The following RAD51B variants were observed in gnomAD, a reference collection of about 807,000 sequenced individuals.
The protein encoded by RAD51B is RAD51 paralog B, also known as DNA repair protein RAD51 homolog 2.
A neutral mutation model predicts 42.2 loss-of-function variants in RAD51B; 38 were observed. That is an observed-to-expected ratio of 0.90 (90% confidence interval 0.70 to 1.18). The LOEUF is 1.18. RAD51B is among the 50% of genes most tolerant of loss of function. The probability of loss-of-function intolerance (pLI) is 0.00; values close to 1 mark genes in which losing one functional copy is unlikely to be tolerated. For missense variants in RAD51B, 373 were observed against 400.7 expected (o/e 0.93, Z 0.59); for synonymous variants, 154 against 145.2 (o/e 1.06, Z -0.43).
At chr14:67,925,944 T>TGCACACAGCCTGGGCC (rs2044491629) in intron 7 of RAD51B, among the ~76,000 whole-genome samples, 1 of 152,290 alleles carries the variant, frequency 6.6e-6, no homozygotes, top group South Asian at 2.1e-4. Context: ...GACCCTGGGC[T>TGCACACAGCCTGGGCC]GCACACAGCC....
At position 68,322,301 on chromosome 14, in the gene RAD51B, A is replaced by G. The variant is rs562483162; in HGVS notation, c.853+30321A>G. On this transcript the variant is annotated intron_variant, in intron 8 of 10. Transcript: ENST00000471583. ...GCATATTACATAATTTCACTCAAGG[A>G]TTTTGACAATTAGTCCAGCTTGATG... Among the ~76,000 whole-genome samples, 178 of 152,298 alleles carry G rather than the reference A, an allele frequency of 1.2e-3. 1 individual carries two copies. Among genetic ancestry groups the G allele is most frequent in the African/African-American group, 4.1e-3 (170 of 41,556 alleles).
intron 7 of RAD51B, among the ~76,000 whole-genome samples, chr14:68,039,892 G>A (rs2076192365): frequency 6.6e-6 from 1 of 152,196 alleles, no homozygotes; most frequent in South Asian, 2.1e-4. Context: ...CCTAAGAATG[G>A]TGTTACACTA....
At chr14:67,882,267 C>T (rs1229442031) in intron 5 of RAD51B, among the ~76,000 whole-genome samples, 1 of 152,198 alleles carries the variant, frequency 6.6e-6, no homozygotes, top group East Asian at 1.9e-4. Context: ...GCCACCATGC[C>T]CAGCCCACTT....
At position 68,477,817 on chromosome 14, in the gene RAD51B, T is replaced by C. The variant is rs1882825905; in HGVS notation, c.*153T>C. The C allele has an allele frequency of 1.4e-6, 2 of 1,470,402 alleles. No homozygotes were observed. Among genetic ancestry groups the C allele is most frequent in the Non-Finnish European group, 1.8e-6 (2 of 1,112,106 alleles). 91.1% of individuals were successfully genotyped at this position (1,470,402 alleles called of 1,614,324 possible). On this transcript the variant is annotated 3_prime_UTR_variant, in exon 11 of 11. Coordinates refer to ENST00000471583, the MANE Select transcript of RAD51B (RefSeq NM_133510.4). ...GGTAACAGATTTGCTCCTAAACCAT[T>C]GAGCTAGCGATTTCAGACCTAGCAG...
intron 10 of RAD51B, among the ~76,000 whole-genome samples, chr14:68,610,421 G>C (rs1260560423): frequency 1.3e-5 from 2 of 152,198 alleles, no homozygotes; most frequent in Non-Finnish European, 2.9e-5. Flanking sequence ...CTTGGACACA[G>C]AGCCCATCAG....
At chr14:68,387,522 G>A (rs186975534) in intron 8 of RAD51B, among the ~76,000 whole-genome samples, 152 of 152,298 alleles carry the variant, frequency 1.0e-3, no homozygotes, top group Admixed American at 3.1e-3. Context: ...CAGACATTGT[G>A]CCTCTATAGC....
At chr14:68,004,231 G>T (rs1285396535) in intron 7 of RAD51B, among the ~76,000 whole-genome samples, 1 of 151,002 alleles carries the variant, frequency 6.6e-6, no homozygotes, top group Non-Finnish European at 1.5e-5. Context: ...TACTCGGGAC[G>T]CTGAGGCAGG....
intron 7 of RAD51B, among the ~76,000 whole-genome samples, chr14:68,101,998 G>A (rs954209478): frequency 3.3e-5 from 5 of 152,156 alleles, no homozygotes; most frequent in African/African-American, 1.2e-4. Flanking sequence ...GCATCCATAG[G>A]TCCAACACCA....
chr14:68,599,234 G>T (rs191457273), downstream of RAD51B, among the ~76,000 whole-genome samples: 2 of 152,326 alleles, frequency 1.3e-5, no homozygotes, highest in African/African-American at 4.8e-5. Context: ...CTGAGGAGGA[G>T]GGAAAGGATG....
Position 67,864,961 on chromosome 14 carries a change from C to CTTTTTTTTTTTTTT in RAD51B, c.316-16_316-3dup, listed in dbSNP as rs745505141. 3.1e-4 allele frequency: 203 copies of CTTTTTTTTTTTTTT among 645,054 alleles called. 99 individuals carry two copies. The highest frequency in any genetic ancestry group is 1.9e-3 in the African/African-American group (51 of 26,446). 40.0% of individuals were successfully genotyped at this position (645,054 alleles called of 1,614,324 possible). ...TGGCTTGTGATGTTTATCTAAAAAACTTTTTTTTTTTTTTTTTTTTTTTTT... is the reference window on the plus strand; with the variant it reads ...TGGCTTGTGATGTTTATCTAAAAAACTTTTTTTTTTTTTTTTTTTTTTTTTTTTTTTTTTTTTTT... On this transcript the variant is annotated intron_variant, in intron 4 of 10. Transcript: ENST00000471583.
intron 8 of RAD51B, among the ~76,000 whole-genome samples, chr14:68,359,148 C>T (rs17105463): frequency 0.021 from 3,203 of 152,024 alleles, 54 homozygotes; most frequent in East Asian, 0.048. Context: ...CACGACCTTA[C>T]GAAAAACCAC....
intron 8 of RAD51B, among the ~76,000 whole-genome samples, chr14:68,298,737 G>A (rs908298237): frequency 6.6e-6 from 1 of 152,154 alleles, no homozygotes; most frequent in Non-Finnish European, 1.5e-5. Flanking sequence ...TGTGATCCCA[G>A]AGGCCTTCAA....
At chr14:68,658,932 G>A (rs1187800302) in intron 11 of RAD51B, among the ~76,000 whole-genome samples, 1 of 152,242 alleles carries the variant, frequency 6.6e-6, no homozygotes, top group East Asian at 1.9e-4. Flanking sequence ...GAGAGAGGCT[G>A]TACAGCCCAG....
At chr14:68,495,091 C>T (rs1884401899) in intron 10 of RAD51B, among the ~76,000 whole-genome samples, 1 of 152,206 alleles carries the variant, frequency 6.6e-6, no homozygotes, top group South Asian at 2.1e-4. Context: ...GATTATATAA[C>T]TCCCTGGGCC....
At chr14:68,061,728 G>C (rs976018167) in intron 7 of RAD51B, among the ~76,000 whole-genome samples, 2 of 152,056 alleles carry the variant, frequency 1.3e-5, no homozygotes, top group Non-Finnish European at 2.9e-5. Flanking sequence ...ACACTCCTGA[G>C]TTTCGTATGT....
At chr14:68,181,064 C>T (rs2079053318) in intron 7 of RAD51B, among the ~76,000 whole-genome samples, 2 of 152,208 alleles carry the variant, frequency 1.3e-5, no homozygotes, top group African/African-American at 4.8e-5. Flanking sequence ...TGTTTGGATG[C>T]TCTTTGAAAG....
intron 10 of RAD51B, among the ~76,000 whole-genome samples, chr14:68,487,317 T>C (rs1222336727): frequency 6.6e-6 from 1 of 152,102 alleles, no homozygotes; most frequent in Non-Finnish European, 1.5e-5. Flanking sequence ...CTCATTCACT[T>C]CTTATAAAGA....
intron 10 of RAD51B, among the ~76,000 whole-genome samples, chr14:68,518,561 C>CT (rs1012162416): frequency 6.6e-6 from 1 of 150,694 alleles, no homozygotes; most frequent in Admixed American, 6.6e-5. Flanking sequence ...TGAGCCCCCC[C>CT]CCCAGGCCTC....
chr14:68,285,741 T>A (rs1203770895), intron 7 of RAD51B, among the ~76,000 whole-genome samples: 2 of 152,206 alleles, frequency 1.3e-5, no homozygotes, highest in African/African-American at 2.4e-5. Context: ...TGCCTGAGGT[T>A]GCTTCGTGAA....
Sources: gnomAD v4.1 joint callset for allele counts (sites outside exome capture counted in the v4.1 genomes callset) on GRCh38, gnomAD v4.1.1 for gene constraint, MANE v1.5 for transcripts, NCBI Gene and HGNC (gene_info 2026-07-23, HGNC 2026-07-21) for gene names.